PTPA: variants seen among roughly 807,000 people sequenced by gnomAD.
The protein encoded by PTPA is serine/threonine-protein phosphatase 2A activator.
Under a neutral mutation model 43.6 loss-of-function variants are expected in PTPA, and 13 were observed. The observed-to-expected ratio is 0.30, with a 90% CI of 0.19 to 0.47. The LOEUF is 0.47. Among genes scored for constraint, PTPA ranks in the 20% least tolerant of loss-of-function variants. PTPA has a pLI of 0.99. For synonymous variants in PTPA, 172 were observed against 158.2 expected (o/e 1.09, Z -0.66); for missense variants, 329 against 411.9 (o/e 0.80, Z 1.74).
rs557236732 is a variant in PTPA at position 129,132,041 on chromosome 9, G to GT, written c.460+403dup. Among the ~76,000 whole-genome samples, 122 of 152,276 alleles carry GT rather than the reference G, an allele frequency of 8.0e-4. 1 individual carries two copies. Among genetic ancestry groups the GT allele is most frequent in the Non-Finnish European group, 1.6e-3 (106 of 68,020 alleles). On this transcript the variant is annotated intron_variant, in intron 5 of 9. Transcript: ENST00000393370. ...GCTTCTTGGTGGCCTTTGCAGTGTCGTGGCACACCCTCTCCCTTGAACCCC... is the reference window on the plus strand; with the variant it reads ...GCTTCTTGGTGGCCTTTGCAGTGTCGTTGGCACACCCTCTCCCTTGAACCCC...
intron 7 of PTPA, among the ~76,000 whole-genome samples, chr9:129,136,860 G>A (rs540017409): frequency 8.5e-5 from 13 of 152,256 alleles, no homozygotes; most frequent in African/African-American, 3.1e-4. Context: ...GAGCAAGGGC[G>A]CACGCCTGGT....
chr9:129,137,725 C>T (rs1486468824), intron 8 of PTPA, 33 bp downstream of exon 8: 1 of 1,526,696 alleles, frequency 6.6e-7, no homozygotes, highest in East Asian at 2.3e-5. Context: ...AAGCCCATGG[C>T]TGCCTCCAGG....
chr9:129,120,849 G>A (rs112019353), intron 2 of PTPA, among the ~76,000 whole-genome samples: 252 of 152,280 alleles, frequency 1.7e-3, no homozygotes, highest in African/African-American at 5.8e-3. Flanking sequence ...GGAGAGTTCC[G>A]CTCCTGGTTC....
intron 8 of PTPA, chr9:129,141,671 G>T (rs565475252): frequency 6.6e-6 from 1 of 152,386 alleles, no homozygotes; most frequent in South Asian, 2.1e-4. Context: ...TCTTTGGCAA[G>T]AGGGAGGACC....
intron 3 of PTPA, among the ~76,000 whole-genome samples, chr9:129,123,459 G>A (rs1588497062): frequency 1.3e-5 from 2 of 148,404 alleles, no homozygotes; most frequent in African/African-American, 5.2e-5. Context: ...GCGACAGAGC[G>A]AGACTCTGTC....
At chr9:129,134,296 CTTTTTTTTTT>C (rs68089837) in intron 5 of PTPA, among the ~76,000 whole-genome samples, 24 of 56,910 alleles carry the variant, frequency 4.2e-4, no homozygotes, top group Admixed American at 1.3e-3. Context: ...ACTGGTAGTT[CTTTTTTTTTT>C]TTTTTTTTTT....
intron 9 of PTPA, chr9:129,142,797 T>C (rs1394579766): frequency 1.3e-6 from 2 of 1,535,728 alleles, no homozygotes; most frequent in East Asian, 4.9e-5. Flanking sequence ...CTGATGAGCT[T>C]GGAGGCTGAG....
intron 4 of PTPA, among the ~76,000 whole-genome samples, chr9:129,129,420 TATC>T (rs1364211175): frequency 2.6e-5 from 4 of 152,110 alleles, no homozygotes; most frequent in Non-Finnish European, 5.9e-5. Flanking sequence ...AGTCCATCAA[TATC>T]ATGGAGTACT....
At chr9:129,137,755 G>A (rs1253826430) in intron 8 of PTPA, 63 bp downstream of exon 8, 2 of 1,426,756 alleles carry the variant, frequency 1.4e-6, no homozygotes, top group Non-Finnish European at 1.9e-6. Flanking sequence ...ACCAAGGCTG[G>A]TGGCCTTACA....
chr9:129,131,434 G>A (rs1849960809), intron 4 of PTPA, 88 bp from the exon 5 acceptor site: 2 of 1,163,154 alleles, frequency 1.7e-6, no homozygotes, highest in Non-Finnish European at 2.6e-6. Context: ...GGCAGTGTGG[G>A]CCCCCAGTCA....
chr9:129,133,650 A>C lies in PTPA; in HGVS notation c.461-1145A>C, dbSNP rs569200478. Reference sequence around the variant, plus strand: ...GTTTGATATGACTGGGAAAGGAAGGAGGATACTTTTTCACCCTGTAATCTG... The same window carrying C: ...GTTTGATATGACTGGGAAAGGAAGGCGGATACTTTTTCACCCTGTAATCTG... On this transcript the variant is annotated intron_variant, in intron 5 of 9. Transcript: ENST00000393370. 7.2e-5 allele frequency among the ~76,000 whole-genome samples: 11 copies of C among 152,284 alleles called. No individual in the cohort carries two copies. The South Asian group carries it at 8.3e-4, about 11-fold the overall frequency.
chr9:129,116,869 G>A (rs1432748570), intron 1 of PTPA, among the ~76,000 whole-genome samples: 2 of 151,732 alleles, frequency 1.3e-5, no homozygotes, highest in East Asian at 3.9e-4. Context: ...GTCTCCCTGT[G>A]TTGCCTGGGC....
intron 8 of PTPA, among the ~76,000 whole-genome samples, chr9:129,140,368 G>T (rs371817640): frequency 1.6e-4 from 25 of 152,288 alleles, no homozygotes; most frequent in African/African-American, 6.0e-4. Context: ...TAACCTCCCT[G>T]AAGGACTTAG....
chr9:129,132,906 A>T (rs1223820132), intron 5 of PTPA, among the ~76,000 whole-genome samples: 2 of 152,180 alleles, frequency 1.3e-5, no homozygotes, highest in Non-Finnish European at 2.9e-5. Flanking sequence ...AAGTGCTCAG[A>T]TTACAGGTGC....
intron 6 of PTPA, among the ~76,000 whole-genome samples, chr9:129,135,266 G>A (rs1014557718): frequency 1.3e-5 from 2 of 152,136 alleles, no homozygotes. Context: ...GGTGGCACTC[G>A]CCTGTAATTC....
intron 3 of PTPA, among the ~76,000 whole-genome samples, chr9:129,127,386 C>T (rs763564597): frequency 1.3e-5 from 2 of 152,228 alleles, no homozygotes; most frequent in Non-Finnish European, 2.9e-5. Flanking sequence ...CGCAACTTCT[C>T]ATGTGGGCAT....
intron 5 of PTPA, among the ~76,000 whole-genome samples, 157 bp downstream of exon 5, chr9:129,131,796 C>G (rs1020533701): frequency 2.0e-5 from 3 of 152,192 alleles, no homozygotes; most frequent in Non-Finnish European, 4.4e-5. Context: ...GGTGGCTTCA[C>G]CGGCAGGGAG....
intron 6 of PTPA, among the ~76,000 whole-genome samples, chr9:129,135,706 A>C (rs1850323095): frequency 6.6e-6 from 1 of 152,238 alleles, no homozygotes; most frequent in Non-Finnish European, 1.5e-5. Flanking sequence ...TGCGGGCCCC[A>C]GTCTAGCAGT....
chr9:129,124,654 C>G (rs1391567376), intron 3 of PTPA, among the ~76,000 whole-genome samples: 1 of 152,214 alleles, frequency 6.6e-6, no homozygotes, highest in Non-Finnish European at 1.5e-5. Flanking sequence ...TTGCTGGATG[C>G]TGTCTCCCAG....
Sources: gnomAD v4.1 joint callset for allele counts (sites outside exome capture counted in the v4.1 genomes callset) on GRCh38, gnomAD v4.1.1 for gene constraint, MANE v1.5 for transcripts, NCBI Gene and HGNC (gene_info 2026-07-23, HGNC 2026-07-21) for gene names.